The following SUGCT variants were observed in gnomAD, a reference collection of about 807,000 sequenced individuals.
SUGCT encodes the protein succinyl-CoA:glutarate-CoA transferase, also known as succinyl-CoA:glutarate CoA-transferase.
Under a neutral mutation model 55.0 loss-of-function variants are expected in SUGCT, and 41 were observed. The ratio of observed to expected loss-of-function variants is 0.74; its 90% CI spans 0.58 to 0.97. SUGCT has a LOEUF of 0.97. Among genes scored for constraint, SUGCT ranks in the 50% least tolerant of loss-of-function variants. The pLI, the probability that SUGCT is intolerant of heterozygous loss-of-function variation, is 0.00. For synonymous variants in SUGCT, 187 were observed against 200.4 expected (o/e 0.93, Z 0.56); for missense variants, 568 against 547.8 (o/e 1.04, Z -0.37).
chr7:40,589,002 T>C (rs1193101126), intron 12 of SUGCT, among the ~76,000 whole-genome samples: 1 of 152,150 alleles, frequency 6.6e-6, no homozygotes, highest in Non-Finnish European at 1.5e-5. Context: ...TAATTATACA[T>C]CAACATGTAG....
At chr7:40,446,402 C>A (rs1004981627) in intron 9 of SUGCT, among the ~76,000 whole-genome samples, 1 of 152,108 alleles carries the variant, frequency 6.6e-6, no homozygotes, top group Non-Finnish European at 1.5e-5. Context: ...GTCAATGGTT[C>A]CTTGCAATAC....
the SUGCT span, among the ~76,000 whole-genome samples, chr7:40,893,308 C>T: frequency 7.9e-5 from 12 of 152,280 alleles, no homozygotes; most frequent in African/African-American, 2.2e-4. Context: ...TTGAACAATA[C>T]TGTTCAAATG....
intron 9 of SUGCT, among the ~76,000 whole-genome samples, chr7:40,365,938 AAG>A (rs1783928545): frequency 6.6e-6 from 1 of 152,218 alleles, no homozygotes; most frequent in South Asian, 2.1e-4. Flanking sequence ...GGAACCAAAA[AAG>A]AGCTCACATC....
At chr7:40,955,144 A>G in the SUGCT span, among the ~76,000 whole-genome samples, 5 of 152,152 alleles carry the variant, frequency 3.3e-5, no homozygotes, top group African/African-American at 1.2e-4. Context: ...TCCATATAAA[A>G]TTTAAAGTAG....
chr7:40,924,504 T>C, the SUGCT span, among the ~76,000 whole-genome samples: 1 of 152,190 alleles, frequency 6.6e-6, no homozygotes, highest in Non-Finnish European at 1.5e-5. Context: ...TCTGCCTGTC[T>C]TGGCCTCTGA....
At chr7:40,196,306 A>G (rs1786288469) in intron 6 of SUGCT, among the ~76,000 whole-genome samples, 1 of 152,206 alleles carries the variant, frequency 6.6e-6, no homozygotes, top group South Asian at 2.1e-4. Flanking sequence ...TTGCATCAGA[A>G]AAATTCATAA....
the SUGCT span, among the ~76,000 whole-genome samples, chr7:41,009,427 A>G: frequency 6.6e-6 from 1 of 152,194 alleles, no homozygotes; most frequent in Non-Finnish European, 1.5e-5. Context: ...GGGACAGGTA[A>G]AGCCATGAAT....
chr7:40,802,033 T>C (rs1790845413), intron 13 of SUGCT, among the ~76,000 whole-genome samples: 1 of 150,070 alleles, frequency 6.7e-6, no homozygotes, highest in South Asian at 2.1e-4. Flanking sequence ...TTTCCTATGA[T>C]GTGAATTTAA....
intron 12 of SUGCT, among the ~76,000 whole-genome samples, chr7:40,594,425 T>G (rs1322757149): frequency 5.9e-5 from 9 of 152,290 alleles, no homozygotes; most frequent in Admixed American, 4.6e-4. Flanking sequence ...GTGATCGCCC[T>G]TCCTTTTCAT....
intron 12 of SUGCT, among the ~76,000 whole-genome samples, chr7:40,676,894 CGTGTGTGTGTGTGTGTGTGT>C (rs3221667): frequency 1.4e-5 from 2 of 143,972 alleles, no homozygotes; most frequent in African/African-American, 2.6e-5. Flanking sequence ...TTCAGAATGA[CGTGTGTGTGTGTGTGTGTGT>C]GTGTGTGTGT....
At chr7:40,383,050 GA>G (rs1420477105) in intron 9 of SUGCT, among the ~76,000 whole-genome samples, 2 of 152,144 alleles carry the variant, frequency 1.3e-5, no homozygotes, top group Admixed American at 1.3e-4. Context: ...GCAAAGTGGA[GA>G]TTTATGGTGC....
intron 12 of SUGCT, among the ~76,000 whole-genome samples, chr7:40,613,885 G>A (rs1209909587): frequency 6.6e-6 from 1 of 152,142 alleles, no homozygotes; most frequent in Non-Finnish European, 1.5e-5. Context: ...GTGATTACAG[G>A]TGTGAGCCAC....
intron 12 of SUGCT, among the ~76,000 whole-genome samples, chr7:40,677,158 A>G (rs1335042958): frequency 6.6e-6 from 1 of 152,124 alleles, no homozygotes; most frequent in African/African-American, 2.4e-5. Flanking sequence ...CTGCATAATA[A>G]AGGTAATCCT....
intron 11 of SUGCT, among the ~76,000 whole-genome samples, chr7:40,477,083 C>T (rs1297271884): frequency 6.6e-6 from 1 of 152,100 alleles, no homozygotes; most frequent in Non-Finnish European, 1.5e-5. Flanking sequence ...TATAGAGAAA[C>T]AGTATTTGAG....
At chr7:40,809,662 T>C (rs1190653889) in intron 13 of SUGCT, among the ~76,000 whole-genome samples, 1 of 152,174 alleles carries the variant, frequency 6.6e-6, no homozygotes, top group Admixed American at 6.5e-5. Flanking sequence ...AGGGGGTATA[T>C]GTGCAGGTTT....
chr7:40,933,577 A>ATG, the SUGCT span, among the ~76,000 whole-genome samples: 1 of 152,150 alleles, frequency 6.6e-6, no homozygotes, highest in African/African-American at 2.4e-5. Flanking sequence ...TACCAATTAA[A>ATG]TGTAGATTTG....
chr7:40,682,277 G>T (rs1784283288), intron 12 of SUGCT, among the ~76,000 whole-genome samples: 1 of 152,162 alleles, frequency 6.6e-6, no homozygotes, highest in South Asian at 2.1e-4. Flanking sequence ...TCATCTGGCT[G>T]CTCATTTGTA....
chr7:40,625,394 C>A (rs1799479393), intron 12 of SUGCT, among the ~76,000 whole-genome samples: 1 of 152,132 alleles, frequency 6.6e-6, no homozygotes, highest in African/African-American at 2.4e-5. Flanking sequence ...CTTAAAAATT[C>A]TGAAGCCACT....
chr7:40,756,383 C>T (rs1788254013), intron 13 of SUGCT, among the ~76,000 whole-genome samples: 1 of 152,126 alleles, frequency 6.6e-6, no homozygotes, highest in South Asian at 2.1e-4. Context: ...TCTCTGATAA[C>T]AATTTATTTT....
Sources: allele counts gnomAD v4.1 joint callset (sites outside exome capture counted in the v4.1 genomes callset), GRCh38; gene constraint gnomAD v4.1.1; transcripts MANE v1.5; gene names NCBI Gene and HGNC (gene_info 2026-07-23, HGNC 2026-07-21).